The following WDPCP variants were observed in gnomAD, a reference collection of about 807,000 sequenced individuals.
WDPCP encodes the protein WD repeat-containing and planar cell polarity effector protein fritz homolog.
WDPCP carries 71 observed loss-of-function variants against 93.1 expected under a neutral mutation model. The ratio of observed to expected loss-of-function variants is 0.76; its 90% CI spans 0.63 to 0.93. WDPCP has a LOEUF of 0.93. WDPCP is among the 40% of genes least tolerant of loss of function. The pLI is 0.00. For synonymous variants in WDPCP, 315 were observed against 315.0 expected, an observed-to-expected ratio of 1.00 and a Z score of 0.00; for missense variants, 844 against 887.4, an observed-to-expected ratio of 0.95 and a Z score of 0.62.
intron 1 of WDPCP, among the ~76,000 whole-genome samples, chr2:63,575,512 A>ATATATAGTATATACAGTATATACACTG (rs1708025630): frequency 9.5e-6 from 1 of 105,736 alleles, no homozygotes; most frequent in Non-Finnish European, 1.9e-5. Context: ...TATACACTGT[A>ATATATAGTATATACAGTATATACACTG]TATATAGTAT....
intron 17 of WDPCP, among the ~76,000 whole-genome samples, chr2:63,136,290 A>G (rs1670613401): frequency 6.6e-6 from 1 of 152,234 alleles, no homozygotes; most frequent in Admixed American, 6.5e-5. Context: ...GATTTTAAAA[A>G]TAGTTCATTG....
intron 1 of WDPCP, among the ~76,000 whole-genome samples, chr2:63,586,180 A>C (rs1708835136): frequency 6.6e-6 from 1 of 152,224 alleles, no homozygotes; most frequent in Non-Finnish European, 1.5e-5. Flanking sequence ...TGTGAGTTCC[A>C]AAGTGCCTTG....
chr2:63,621,243 C>T (rs1032685593), intron 3 of WDPCP, among the ~76,000 whole-genome samples: 1 of 151,938 alleles, frequency 6.6e-6, no homozygotes, highest in Non-Finnish European at 1.5e-5. Flanking sequence ...TAAAGGAGCA[C>T]ATTCTAACCC....
At chr2:63,182,865 T>C (rs975800017) in intron 14 of WDPCP, among the ~76,000 whole-genome samples, 1 of 151,456 alleles carries the variant, frequency 6.6e-6, no homozygotes, top group Non-Finnish European at 1.5e-5. Context: ...TTCTATGTGT[T>C]CAATCTCGGG....
At chr2:63,721,650 G>A (rs530618550) in intron 2 of WDPCP, among the ~76,000 whole-genome samples, 6 of 151,644 alleles carry the variant, frequency 4.0e-5, no homozygotes, top group Admixed American at 3.9e-4. Context: ...CCTATTTCTG[G>A]GCCTTCCAGC....
In WDPCP at chr2:63,757,119, C is replaced by T. The variant is rs563736369; in HGVS notation, n.308+56503G>A. 2.0e-5 allele frequency among the ~76,000 whole-genome samples: 3 copies of T among 152,204 alleles called. No individual in the cohort carries two copies. In the South Asian group the frequency reaches 6.2e-4, roughly 32 times the overall value. On this transcript the variant is annotated intron_variant and non_coding_transcript_variant, in intron 2 of 4. Transcript: ENST00000467687. ...CTCTGTCCTGAAAGAAGGCATATTTCCCAATGTCCACTTTAGATTCAGTCA... is the reference window on the plus strand; with the variant it reads ...CTCTGTCCTGAAAGAAGGCATATTTTCCAATGTCCACTTTAGATTCAGTCA...
chr2:63,231,253 C>A (rs1299126349), intron 14 of WDPCP, among the ~76,000 whole-genome samples: 1 of 152,142 alleles, frequency 6.6e-6, no homozygotes, highest in Non-Finnish European at 1.5e-5. Flanking sequence ...GGAGGCATTC[C>A]CTTTGAAAAG....
At chr2:63,657,327 C>T (rs1710180397) in intron 2 of WDPCP, among the ~76,000 whole-genome samples, 1 of 151,588 alleles carries the variant, frequency 6.6e-6, no homozygotes. Context: ...GCCTCAGCCT[C>T]CTGAGTAGCT....
chr2:63,711,259 G>A (rs1052356820), intron 2 of WDPCP, among the ~76,000 whole-genome samples: 1 of 152,140 alleles, frequency 6.6e-6, no homozygotes, highest in African/African-American at 2.4e-5. Context: ...AAAAATGAGA[G>A]AGGAAGCATG....
intron 3 of WDPCP, chr2:63,643,748 G>A (rs945563042): frequency 2.3e-5 from 12 of 525,608 alleles, no homozygotes; most frequent in South Asian, 7.2e-5. Flanking sequence ...TAGATCAGAC[G>A]GACATTCTCT....
intron 13 of WDPCP, among the ~76,000 whole-genome samples, chr2:63,283,399 A>C (rs1683722060): frequency 6.6e-6 from 1 of 152,222 alleles, no homozygotes; most frequent in Non-Finnish European, 1.5e-5. Context: ...AATTATTCAA[A>C]CATTCTATAA....
chr2:63,743,139 AT>A (rs1669749268), intron 2 of WDPCP, among the ~76,000 whole-genome samples: 1 of 152,102 alleles, frequency 6.6e-6, no homozygotes. Context: ...GATCTGTCCC[AT>A]TCCAGTGCTC....
chr2:63,588,134 C>T, intron 1 of WDPCP, 63 bp downstream of exon 1: 1 of 1,535,202 alleles, frequency 6.5e-7, no homozygotes, highest in South Asian at 1.2e-5. Context: ...CGGGACGGCG[C>T]ACCAACCGCA....
chr2:63,355,419 C>A (rs184340938), intron 12 of WDPCP, among the ~76,000 whole-genome samples: 6 of 152,260 alleles, frequency 3.9e-5, no homozygotes, highest in African/African-American at 1.2e-4. Flanking sequence ...TTCATTACCA[C>A]CAGGCCTGCC....
chr2:63,737,343 A>G (rs952194446), intron 2 of WDPCP, among the ~76,000 whole-genome samples: 5 of 152,168 alleles, frequency 3.3e-5, no homozygotes, highest in African/African-American at 1.2e-4. Flanking sequence ...TGCACTCTCC[A>G]TGTCCTAAGA....
intron 1 of WDPCP, among the ~76,000 whole-genome samples, chr2:63,575,127 C>T (rs954178248): frequency 2.0e-5 from 3 of 151,430 alleles, no homozygotes; most frequent in Non-Finnish European, 4.4e-5. Flanking sequence ...AAAAACATGG[C>T]AAAGGAGGGC....
At chr2:63,158,713 G>A (rs1363850330) in intron 15 of WDPCP, among the ~76,000 whole-genome samples, 2 of 151,626 alleles carry the variant, frequency 1.3e-5, no homozygotes, top group Non-Finnish European at 2.9e-5. Context: ...CAGGTCCCTC[G>A]GTTCATTTTT....
At chr2:63,307,856 A>G (rs1334057651) in intron 13 of WDPCP, among the ~76,000 whole-genome samples, 1 of 152,244 alleles carries the variant, frequency 6.6e-6, no homozygotes, top group Non-Finnish European at 1.5e-5. Context: ...AATGGCAACA[A>G]AAGCCGAAAT....
At chr2:63,436,751 T>C (rs1186499380) in intron 8 of WDPCP, among the ~76,000 whole-genome samples, 3 of 152,092 alleles carry the variant, frequency 2.0e-5, no homozygotes, top group African/African-American at 7.2e-5. Flanking sequence ...GTATTACTCA[T>C]CCTAGCAGAG....
Sources: allele counts gnomAD v4.1 joint callset (sites outside exome capture counted in the v4.1 genomes callset), GRCh38; gene constraint gnomAD v4.1.1; transcripts MANE v1.5; gene names NCBI Gene and HGNC (gene_info 2026-07-23, HGNC 2026-07-21).